Variants in SEMA6D observed in about 807,000 individuals in gnomAD.
SEMA6D encodes the protein semaphorin-6D.
A neutral mutation model predicts 106.6 loss-of-function variants in SEMA6D; 35 were observed. The ratio of observed to expected loss-of-function variants is 0.33; its 90% CI spans 0.25 to 0.44. The LOEUF (loss-of-function observed/expected upper bound fraction) is 0.44, where lower values mean the gene tolerates loss of function less well. Among genes scored for constraint, SEMA6D ranks in the 20% least tolerant of loss-of-function variants. The pLI is 1.00. For missense variants in SEMA6D, 1,185 were observed against 1,345.9 expected (o/e 0.88, Z 1.87); for synonymous variants, 499 against 487.7 (o/e 1.02, Z -0.31).
At chr15:47,304,059 G>C (rs1041566894) in intron 1 of SEMA6D, among the ~76,000 whole-genome samples, 8 of 152,178 alleles carry the variant, frequency 5.3e-5, no homozygotes, top group African/African-American at 1.9e-4. Flanking sequence ...AGATTAGTTA[G>C]AGTGTTTTAG....
chr15:47,224,711 T>G (rs1257825834), intron 1 of SEMA6D, among the ~76,000 whole-genome samples: 1 of 152,064 alleles, frequency 6.6e-6, no homozygotes, highest in Non-Finnish European at 1.5e-5. Flanking sequence ...ATTCTTCACA[T>G]CAATGACAGT....
chr15:47,407,687 T>C (rs2146132626), intron 1 of SEMA6D, among the ~76,000 whole-genome samples: 1 of 152,256 alleles, frequency 6.6e-6, no homozygotes, highest in African/African-American at 2.4e-5. Flanking sequence ...GAAAGGAGGA[T>C]TGGGAGGTGC....
intron 1 of SEMA6D, among the ~76,000 whole-genome samples, chr15:47,756,983 G>A (rs2081785800): frequency 2.0e-5 from 3 of 151,406 alleles, no homozygotes; most frequent in African/African-American, 7.3e-5. Flanking sequence ...GAGGATTAGA[G>A]TGGTAGGGGG....
intron 3 of SEMA6D, among the ~76,000 whole-genome samples, chr15:47,511,775 T>C (rs568952386): frequency 3.9e-5 from 6 of 152,150 alleles, no homozygotes; most frequent in Non-Finnish European, 8.8e-5. Context: ...GTGAGGAGTC[T>C]AGGATCTCTG....
intron 3 of SEMA6D, among the ~76,000 whole-genome samples, chr15:47,503,392 T>C (rs541894580): frequency 1.3e-5 from 2 of 152,226 alleles, no homozygotes; most frequent in South Asian, 4.2e-4. Flanking sequence ...TCATAGAAAT[T>C]GTGAGGTTAT....
At position 47,764,261 on chromosome 15, in the gene SEMA6D, T is replaced by G; in HGVS notation, c.1053T>G (p.Asp351Glu). Residue 351 changes from aspartate (D) to glutamate (E), a missense_variant, in exon 11 of 19, where the codon GAT becomes GAG. By Grantham distance (45) the Asp-to-Glu change is conservative. Coordinates refer to ENST00000536845, the MANE Select transcript of SEMA6D (RefSeq NM_001358351.3). ...GGTTTAAGGAACAGAAAACTCCAGA[T>G]TCTGTTTGGACAGCAGTTCCCGAAG... is the stretch of plus-strand genomic sequence containing the variant. ...KGRFKEQKTP[D>E]SVWTAVPEDK... is the part of the protein sequence containing the mutation. 1 of 1,613,790 alleles carries G rather than the reference T, an allele frequency of 6.2e-7. No homozygotes were observed. The highest frequency in any genetic ancestry group is 8.5e-7 in the Non-Finnish European group (1 of 1,179,764).
In SEMA6D at chr15:47,671,134, C is replaced by G. The variant is rs980226001; in HGVS notation, c.-55+70238C>G. ...CTCATTACACATAGCACATAAGAAC[C>G]AGAAAATGATGCTGAATTGAGTTAG... On this transcript the variant is annotated intron_variant, in intron 4 of 19. Transcript: ENST00000558014. 3.3e-5 allele frequency among the ~76,000 whole-genome samples: 5 copies of G among 152,082 alleles called. No individual in the cohort carries two copies. In the South Asian group the frequency reaches 8.3e-4, roughly 25 times the overall value.
intron 2 of SEMA6D, among the ~76,000 whole-genome samples, chr15:47,439,666 A>C (rs1197101067): frequency 6.6e-6 from 1 of 152,178 alleles, no homozygotes; most frequent in Admixed American, 6.6e-5. Flanking sequence ...TTATTGACTA[A>C]GTGCTGATGC....
chr15:47,744,572 G>A (rs1567061852), intron 1 of SEMA6D, among the ~76,000 whole-genome samples: 1 of 152,200 alleles, frequency 6.6e-6, no homozygotes, highest in East Asian at 1.9e-4. Flanking sequence ...GTTGTGGGGG[G>A]GAAAATGCAC....
chr15:47,760,998 A>G lies in SEMA6D; in HGVS notation c.242A>G (p.Asn81Ser). Residue 81 changes from asparagine to serine, a missense_variant, in exon 4 of 19, where the codon AAC becomes AGC. Transcript: ENST00000536845. Reference protein sequence around the residue: ...IAGRDQVYTVNLNEMPKTEVI... With the variant: ...IAGRDQVYTVSLNEMPKTEVI... ...AACAGGGATCAAGTTTATACAGTAA[A>G]CTTAAATGAAATGCCCAAAACAGAA... 2 of 1,613,458 alleles carry G rather than the reference A, an allele frequency of 1.2e-6. No individual in the cohort carries two copies. The highest frequency in any genetic ancestry group is 1.7e-6 in the Non-Finnish European group (2 of 1,179,612).
chr15:47,731,713 T>C (rs1231497778), intron 1 of SEMA6D, among the ~76,000 whole-genome samples: 1 of 152,230 alleles, frequency 6.6e-6, no homozygotes, highest in African/African-American at 2.4e-5. Flanking sequence ...GTTGCCTTTT[T>C]CCACAATTAT....
intron 4 of SEMA6D, among the ~76,000 whole-genome samples, chr15:47,664,738 C>T (rs901433546): frequency 5.3e-5 from 8 of 152,212 alleles, no homozygotes; most frequent in Non-Finnish European, 8.8e-5. Flanking sequence ...TGATTAGCCA[C>T]TTCCCAAGAT....
At chr15:47,347,440 G>A (rs913755345) in intron 1 of SEMA6D, among the ~76,000 whole-genome samples, 2 of 152,182 alleles carry the variant, frequency 1.3e-5, no homozygotes, top group African/African-American at 4.8e-5. Context: ...AAAATTTCTA[G>A]TCATTTCAGA....
chr15:47,764,787 G>A lies in SEMA6D; in HGVS notation c.1247G>A (p.Arg416Gln), dbSNP rs377077653. 3.1e-6 allele frequency: 5 copies of A among 1,613,730 alleles called. No individual in the cohort carries two copies. The highest frequency in any genetic ancestry group is 1.1e-5 in the South Asian group (1 of 91,072). The part of the protein sequence containing the change: ...IADEPWFTKT[R>Q]VRYRLTAISV... ...GATGAGCCCTGGTTCACAAAGACTC[G>A]GGTCAGGTGAGATTGTGTGTGAAAC... The change falls in exon 12 of 19, where the codon CGG (arginine) becomes CAG (glutamine). Residue 416 changes from arginine to glutamine, a missense_variant. Physicochemically the swap from Arg to Gln is conservative, Grantham distance 43. Around this residue, in one of 3 missense-constraint regions of SEMA6D, gnomAD observed 291 missense variants for 423.8 expected, o/e 0.69. Transcript: ENST00000536845.
intron 1 of SEMA6D, among the ~76,000 whole-genome samples, chr15:47,321,642 A>G (rs1472049206): frequency 6.6e-6 from 1 of 152,206 alleles, no homozygotes; most frequent in Non-Finnish European, 1.5e-5. Flanking sequence ...CTTTATGAGG[A>G]AAAACTTATT....
chr15:47,227,569 T>TCTCA (rs142672147), intron 1 of SEMA6D, among the ~76,000 whole-genome samples: 14,093 of 127,750 alleles, frequency 0.11, 1,434 homozygotes, highest in East Asian at 0.56. Context: ...TCTCTCTCTC[T>TCTCA]CACACACACA....
intron 3 of SEMA6D, among the ~76,000 whole-genome samples, chr15:47,600,059 G>GA (rs2076616709): frequency 6.6e-6 from 1 of 152,034 alleles, no homozygotes; most frequent in Admixed American, 6.6e-5. Flanking sequence ...ATCACTTGGT[G>GA]ATAGTGGTGT....
At chr15:47,431,254 T>C (rs1413535468) in intron 2 of SEMA6D, among the ~76,000 whole-genome samples, 3 of 152,160 alleles carry the variant, frequency 2.0e-5, no homozygotes, top group Non-Finnish European at 4.4e-5. Flanking sequence ...ATCATACAAT[T>C]GAATATCATT....
chr15:47,250,211 A>G (rs1366465675), intron 1 of SEMA6D, among the ~76,000 whole-genome samples: 2 of 152,140 alleles, frequency 1.3e-5, no homozygotes, highest in African/African-American at 2.4e-5. Context: ...AACATCCACT[A>G]TGATATATCT....
Sources: gnomAD v4.1 joint callset for allele counts (sites outside exome capture counted in the v4.1 genomes callset) on GRCh38, gnomAD v4.1.1 for gene constraint, gnomAD v4.1.1 regional missense constraint, MANE v1.5 for transcripts, NCBI Gene and HGNC (gene_info 2026-07-23, HGNC 2026-07-21) for gene names.